The following SGK1 variants were observed in gnomAD, a reference collection of about 807,000 sequenced individuals.
SGK1 encodes the protein serine/threonine-protein kinase Sgk1.
In SGK1, 26 loss-of-function variants were observed where a neutral mutation model predicts 64.2. That is an observed-to-expected ratio of 0.40 (90% CI 0.30 to 0.56). The LOEUF is 0.56. Among genes scored for constraint, SGK1 ranks in the 20% least tolerant of loss-of-function variants. The pLI is 0.38. For missense variants in SGK1, 519 were observed against 645.6 expected (o/e 0.80, Z 2.12); for synonymous variants, 265 against 239.7 (o/e 1.11, Z -0.98).
At chr6:134,180,908 T>C (rs534615251) in intron 3 of SGK1, among the ~76,000 whole-genome samples, 66 of 151,964 alleles carry the variant, frequency 4.3e-4, no homozygotes, top group African/African-American at 1.5e-3. Flanking sequence ...CTTATATTTT[T>C]GGCATGCCTT....
intron 3 of SGK1, chr6:134,174,830 G>A (rs751495376): frequency 1.9e-6 from 3 of 1,613,744 alleles, no homozygotes; most frequent in East Asian, 2.2e-5. Flanking sequence ...GAGACAGAAA[G>A]ACGTTAGCGC....
chr6:134,301,561 C>T (rs4895402), intron 1 of SGK1, among the ~76,000 whole-genome samples: 13 of 87,458 alleles, frequency 1.5e-4, no homozygotes, highest in South Asian at 6.0e-4. Flanking sequence ...CTCTTCTCTT[C>T]TCTTCTCTTC....
chr6:134,210,641 T>C (rs1775872880), intron 2 of SGK1, among the ~76,000 whole-genome samples: 1 of 150,938 alleles, frequency 6.6e-6, no homozygotes. Context: ...CTGGCAAACA[T>C]GGTGAAACCC....
intron 2 of SGK1, among the ~76,000 whole-genome samples, chr6:134,258,447 G>A (rs1401972905): frequency 1.3e-5 from 2 of 152,142 alleles, no homozygotes; most frequent in African/African-American, 2.4e-5. Flanking sequence ...GCTCACACCT[G>A]TAATGCCAGC....
intron 2 of SGK1, among the ~76,000 whole-genome samples, chr6:134,234,800 T>C (rs943097094): frequency 1.8e-4 from 27 of 152,168 alleles, no homozygotes; most frequent in African/African-American, 6.3e-4. Flanking sequence ...GGCTTGAACC[T>C]GGGAGGTGGA....
intron 1 of SGK1, among the ~76,000 whole-genome samples, chr6:134,272,056 G>T (rs1394276190): frequency 6.8e-6 from 1 of 146,294 alleles, no homozygotes. Context: ...TGACCAGGCT[G>T]GTCTCGAACT....
Position 134,202,137 on chromosome 6 carries a change from T to C in SGK1, c.361+5219A>G, listed in dbSNP as rs975414358. 1.2e-4 allele frequency among the ~76,000 whole-genome samples: 18 copies of C among 152,116 alleles called. No homozygotes were observed. In the East Asian group the frequency reaches 3.1e-3, roughly 26 times the overall value. On this transcript the variant is annotated intron_variant, in intron 3 of 13. Transcript: ENST00000367858. Reference sequence around the variant, plus strand: ...CACGTTACATTCAGCATAGCAATAATGTAAACATTGTTGACTTCTCATCAG... The same window carrying C: ...CACGTTACATTCAGCATAGCAATAACGTAAACATTGTTGACTTCTCATCAG...
chr6:134,237,962 A>G (rs1776389064), intron 2 of SGK1, among the ~76,000 whole-genome samples: 1 of 152,204 alleles, frequency 6.6e-6, no homozygotes, highest in South Asian at 2.1e-4. Context: ...AAAATTTTAT[A>G]CCAGAAAAAG....
intron 3 of SGK1, among the ~76,000 whole-genome samples, chr6:134,204,201 T>C (rs1775730167): frequency 6.6e-6 from 1 of 150,378 alleles, no homozygotes; most frequent in African/African-American, 2.4e-5. Flanking sequence ...CTCTTAGTAA[T>C]GGACTGACCA....
chr6:134,244,598 A>G (rs1776496591), intron 2 of SGK1, among the ~76,000 whole-genome samples: 1 of 152,028 alleles, frequency 6.6e-6, no homozygotes, highest in African/African-American at 2.4e-5. Flanking sequence ...CTTCCCGGGT[A>G]AGGCAACGCC....
At chr6:134,258,083 C>T (rs981813377) in intron 2 of SGK1, among the ~76,000 whole-genome samples, 10 of 151,926 alleles carry the variant, frequency 6.6e-5, no homozygotes, top group African/African-American at 2.4e-4. Context: ...ATAATTTCAT[C>T]CCTATAAAAA....
chr6:134,314,328 T>C (rs1777646741), intron 1 of SGK1, among the ~76,000 whole-genome samples: 1 of 146,108 alleles, frequency 6.8e-6, no homozygotes, highest in Non-Finnish European at 1.5e-5. Context: ...GGTAGTGGCA[T>C]AAAGATTTCA....
Position 134,174,054 on chromosome 6 carries a change from A to T in SGK1, c.464T>A (p.Ile155Asn). The T allele has an allele frequency of 6.2e-7, 1 of 1,613,454 alleles. No homozygotes were observed. The highest frequency in any genetic ancestry group is 8.5e-7 in the Non-Finnish European group (1 of 1,179,784). ...AAGCTCAGGCTCCTGAGGTTGGGAG[A>T]TCTTCAAGATGGACTGAACTTCAGG... Reference protein sequence around the residue: ...KHPEVQSILKISQPQEPELMN... With the variant: ...KHPEVQSILKNSQPQEPELMN... Residue 155 changes from isoleucine (I) to asparagine (N), a missense_variant, in exon 5 of 14, where the codon ATC (isoleucine) becomes AAC (asparagine). By Grantham distance (149) the Ile-to-Asn change is moderately radical. Transcript: ENST00000367858.
intron 2 of SGK1, among the ~76,000 whole-genome samples, chr6:134,217,038 G>A (rs60296064): frequency 0.014 from 2,100 of 152,280 alleles, 52 homozygotes; most frequent in African/African-American, 0.049. Context: ...AATTCAGAAG[G>A]CTTGGCAGTT....
At chr6:134,245,184 C>T (rs531570610) in intron 2 of SGK1, among the ~76,000 whole-genome samples, 11 of 152,196 alleles carry the variant, frequency 7.2e-5, no homozygotes, top group Non-Finnish European at 1.6e-4. Context: ...CTCAAGGGAT[C>T]CTCTTGCCTC....
chr6:134,201,275 T>G lies in SGK1; in HGVS notation c.361+6081A>C, dbSNP rs369591218. On this transcript the variant is annotated intron_variant, in intron 3 of 13. Coordinates refer to ENST00000367858, the MANE Select transcript of SGK1 (RefSeq NM_001143676.3). ...CAGGGTTTCACCGTGTTAGCCAGGATGGTCTCCATCTCCTGACCTCATGAT... is the reference window on the plus strand; with the variant it reads ...CAGGGTTTCACCGTGTTAGCCAGGAGGGTCTCCATCTCCTGACCTCATGAT... 9.9e-5 allele frequency among the ~76,000 whole-genome samples: 15 copies of G among 152,174 alleles called. 1 individual carries two copies. The highest frequency in any genetic ancestry group is 5.8e-4 in the East Asian group (3 of 5,144).
chr6:134,172,918 G>T (rs1775078325), intron 8 of SGK1, 105 bp downstream of exon 8: 4 of 1,349,156 alleles, frequency 3.0e-6, no homozygotes, highest in South Asian at 1.3e-5. Context: ...TGCTAATTCT[G>T]GTAACATTCT....
intron 2 of SGK1, among the ~76,000 whole-genome samples, chr6:134,244,753 C>A (rs6913681): frequency 0.17 from 26,142 of 152,182 alleles, 3,034 homozygotes; most frequent in East Asian, 0.46. Context: ...CAGAGCTGTT[C>A]CTATTCGGCC....
In SGK1 at chr6:134,194,777, C is replaced by T. The variant is rs367933470; in HGVS notation, c.361+12579G>A. ...ACCTCAAGTGATGCGCCCGCCTCGG[C>T]CTCCCAAAGTGCTGGGATTACAGGC... On this transcript the variant is annotated intron_variant, in intron 3 of 13. Transcript: ENST00000367858. Among the ~76,000 whole-genome samples, 15 of 152,254 alleles carry T rather than the reference C, an allele frequency of 9.9e-5. 1 individual carries two copies. Among genetic ancestry groups the T allele is most frequent in the East Asian group, 5.8e-4 (3 of 5,186 alleles).
Sources: allele counts gnomAD v4.1 joint callset (sites outside exome capture counted in the v4.1 genomes callset), GRCh38; gene constraint gnomAD v4.1.1; transcripts MANE v1.5; gene names NCBI Gene and HGNC (gene_info 2026-07-23, HGNC 2026-07-21).